ADAM10: variants seen among roughly 807,000 people sequenced by gnomAD.
ADAM10 encodes the protein ADAM metallopeptidase domain 10, also known as disintegrin and metalloproteinase domain-containing protein 10.
Under a neutral mutation model 90.1 loss-of-function variants are expected in ADAM10, and 17 were observed. The ratio of observed to expected loss-of-function variants is 0.19; its 90% CI spans 0.13 to 0.28. The LOEUF (loss-of-function observed/expected upper bound fraction) is 0.28. Ranked by LOEUF, ADAM10 falls within the 10% of genes least tolerant of loss-of-function variation. The pLI, the probability that ADAM10 is intolerant of heterozygous loss-of-function variation, is 1.00. For synonymous variants in ADAM10, 310 were observed against 298.6 expected, an observed-to-expected ratio of 1.04 and a Z score of -0.40; for missense variants, 610 against 914.3, an observed-to-expected ratio of 0.67 and a Z score of 4.29.
intron 2 of ADAM10, chr15:58,691,130 G>A (rs749556997): frequency 1.5e-6 from 1 of 684,514 alleles, no homozygotes; most frequent in Non-Finnish European, 2.8e-6. Context: ...TCACAATGCG[G>A]CAGGGTGAAG....
rs149659718 is a variant in ADAM10, at chr15:58,683,746, G to C, written c.207-1432C>G. Among the ~76,000 whole-genome samples the C allele has an allele frequency of 1.9e-3, 280 of 151,148 alleles. 2 individuals are homozygous for C. The highest frequency in any genetic ancestry group is 6.6e-3 in the African/African-American group (271 of 41,034). On this transcript the variant is annotated intron_variant, in intron 2 of 15. Coordinates refer to ENST00000260408, the MANE Select transcript of ADAM10 (RefSeq NM_001110.4). ...ATGGTGGCTTGCACCTCTAGTCCCA[G>C]CTACTGGGGAGGCTGAGGTAAGAGA...
At position 58,665,199 on chromosome 15, in the gene ADAM10, T is replaced by TA. The variant is rs1247105464; in HGVS notation, c.485-3dup. 6.3e-7 allele frequency: 1 copy of TA among 1,596,750 alleles called. No homozygotes were observed. Among genetic ancestry groups the TA allele is most frequent in the South Asian group, 1.1e-5 (1 of 90,758 alleles). ...GAGGACCGTATTTATGGGGATAGTC[T>TA]AAAATACAAAGAAGAAACGTCATTA... On this transcript the variant is annotated splice_region_variant and splice_polypyrimidine_tract_variant and intron_variant, in intron 4 of 15. Coordinates refer to ENST00000260408, the MANE Select transcript of ADAM10 (RefSeq NM_001110.4).
At chr15:58,712,773 C>T (rs1898518589) in intron 2 of ADAM10, among the ~76,000 whole-genome samples, 1 of 151,824 alleles carries the variant, frequency 6.6e-6, no homozygotes, top group Non-Finnish European at 1.5e-5. Flanking sequence ...TTGCAGTAAG[C>T]CAAGTTCCCC....
chr15:58,647,246 G>GCATTTTT (rs1896569038), intron 5 of ADAM10, among the ~76,000 whole-genome samples: 35 of 36,846 alleles, frequency 9.5e-4, no homozygotes, highest in African/African-American at 2.5e-3. Flanking sequence ...TAGACACTAA[G>GCATTTTT]TATTTTTTTT....
chr15:58,627,645 A>G (rs528184486), intron 10 of ADAM10, 55 bp downstream of exon 10: 2 of 1,513,734 alleles, frequency 1.3e-6, no homozygotes, highest in Non-Finnish European at 1.8e-6. Flanking sequence ...AATTCTTTCA[A>G]GTTGTCTGAA....
In ADAM10 at chr15:58,592,828, T is replaced by G. The variant is rs1392638149; in HGVS notation, c.*4719A>C. Reference sequence around the variant, plus strand: ...ATCTGGGAGACAGTACCATAATTTTTATCAATGTCCCTCAAAAAACCTTTA... The same window carrying G: ...ATCTGGGAGACAGTACCATAATTTTGATCAATGTCCCTCAAAAAACCTTTA... On this transcript the variant is annotated 3_prime_UTR_variant, in exon 16 of 16. Coordinates refer to ENST00000260408, the MANE Select transcript of ADAM10 (RefSeq NM_001110.4). 1 of 150,764 alleles carries G rather than the reference T, an allele frequency of 6.6e-6. No homozygotes were observed. Among genetic ancestry groups the G allele is most frequent in the Non-Finnish European group, 1.5e-5 (1 of 67,730 alleles). The allele number at this position is 150,764 out of a possible 1,614,324, so 9.3% of individuals were successfully genotyped here.
intron 1 of ADAM10, among the ~76,000 whole-genome samples, chr15:58,740,447 A>G (rs1307124457): frequency 2.0e-5 from 3 of 152,158 alleles, no homozygotes; most frequent in Non-Finnish European, 2.9e-5. Flanking sequence ...ATATCTATAA[A>G]ATAGAAAAAA....
intron 1 of ADAM10, among the ~76,000 whole-genome samples, chr15:58,720,448 T>A (rs923979884): frequency 6.6e-6 from 1 of 151,690 alleles, no homozygotes; most frequent in African/African-American, 2.4e-5. Flanking sequence ...TCACCCAGAC[T>A]GCAGTTCAAT....
intron 2 of ADAM10, among the ~76,000 whole-genome samples, chr15:58,704,824 T>C (rs188209156): frequency 1.3e-5 from 2 of 152,344 alleles, no homozygotes; most frequent in Non-Finnish European, 2.9e-5. Context: ...TCAAAGGGTA[T>C]GACTCAAGGT....
At chr15:58,655,720 T>TC (rs1566982424) in intron 5 of ADAM10, among the ~76,000 whole-genome samples, 1,582 of 74,990 alleles carry the variant, frequency 0.021, 84 homozygotes, top group Middle Eastern at 0.033. Context: ...AGTATATATA[T>TC]ATATATATAT....
intron 2 of ADAM10, among the ~76,000 whole-genome samples, chr15:58,689,534 CTTT>C (rs1195148484): frequency 2.6e-5 from 4 of 151,862 alleles, no homozygotes; most frequent in Admixed American, 6.6e-5. Context: ...ATTGGAGTAA[CTTT>C]TTTAATGCTG....
chr15:58,607,614 A>C (rs75910567), intron 14 of ADAM10, among the ~76,000 whole-genome samples: 1 of 152,198 alleles, frequency 6.6e-6, no homozygotes, highest in Non-Finnish European at 1.5e-5. Flanking sequence ...AGATGCATAA[A>C]ATTATAGCAA....
At chr15:58,741,079 CTA>C (rs1162915695) in intron 1 of ADAM10, among the ~76,000 whole-genome samples, 3 of 152,136 alleles carry the variant, frequency 2.0e-5, no homozygotes, top group African/African-American at 7.2e-5. Flanking sequence ...ATAGAGAATT[CTA>C]TGTGTTCTTT....
chr15:58,669,458 G>A (rs1897146750), intron 4 of ADAM10, among the ~76,000 whole-genome samples: 1 of 152,132 alleles, frequency 6.6e-6, no homozygotes, highest in Non-Finnish European at 1.5e-5. Context: ...AATTCTAGGA[G>A]ATTACACCTA....
chr15:58,741,291 T>C (rs1431972209), intron 1 of ADAM10, among the ~76,000 whole-genome samples: 1 of 152,132 alleles, frequency 6.6e-6, no homozygotes, highest in Non-Finnish European at 1.5e-5. Flanking sequence ...GTGTCAATCA[T>C]ATTTTTGAAC....
intron 2 of ADAM10, among the ~76,000 whole-genome samples, chr15:58,713,145 A>C (rs1233106841): frequency 6.6e-6 from 1 of 152,128 alleles, no homozygotes; most frequent in Non-Finnish European, 1.5e-5. Context: ...TTGTCGCCCA[A>C]GCTGGAGCGC....
intron 2 of ADAM10, among the ~76,000 whole-genome samples, chr15:58,695,076 G>A (rs1245722979): frequency 1.3e-5 from 2 of 152,202 alleles, no homozygotes; most frequent in African/African-American, 4.8e-5. Flanking sequence ...CTTGAAAACT[G>A]TGTACATTTT....
intron 2 of ADAM10, among the ~76,000 whole-genome samples, chr15:58,688,425 C>T (rs1897668272): frequency 7.3e-6 from 1 of 136,670 alleles, no homozygotes. Context: ...GTGAAATATC[C>T]AATTAAAAAC....
intron 2 of ADAM10, among the ~76,000 whole-genome samples, chr15:58,699,794 C>A (rs1265876460): frequency 6.6e-6 from 1 of 151,834 alleles, no homozygotes; most frequent in African/African-American, 2.4e-5. Flanking sequence ...CAAAGAAAAC[C>A]AAAAAATATA....
Sources: gnomAD v4.1 joint callset for allele counts (sites outside exome capture counted in the v4.1 genomes callset) on GRCh38, gnomAD v4.1.1 for gene constraint, MANE v1.5 for transcripts, NCBI Gene and HGNC (gene_info 2026-07-23, HGNC 2026-07-21) for gene names.